ATG10: variants seen among roughly 807,000 people sequenced by gnomAD.
ATG10 encodes ubiquitin-like-conjugating enzyme ATG10.
Under a neutral mutation model 32.1 loss-of-function variants are expected in ATG10, and 30 were observed. The observed-to-expected ratio is 0.94, with a 90% CI of 0.70 to 1.27. ATG10 has a LOEUF of 1.27. ATG10 is among the 50% of genes most tolerant of loss of function. ATG10 has a pLI of 0.00. For synonymous variants in ATG10, 87 were observed against 91.5 expected, an observed-to-expected ratio of 0.95 and a Z score of 0.28; for missense variants, 233 against 262.3, an observed-to-expected ratio of 0.89 and a Z score of 0.77.
chr5:82,242,703 T>C, intron 5 of ATG10: 1 of 337,324 alleles, frequency 3.0e-6, no homozygotes, highest in South Asian at 2.4e-5. Context: ...AAAAAAATCA[T>C]TGTAACCTAG....
chr5:81,980,694 T>G (rs543179225), intron 1 of ATG10, among the ~76,000 whole-genome samples: 2 of 152,156 alleles, frequency 1.3e-5, no homozygotes, highest in South Asian at 4.2e-4. Flanking sequence ...GACTGTACTA[T>G]GCTGAGAGCT....
At position 82,162,676 on chromosome 5, in the gene ATG10, C is replaced by A. The variant is rs563512908; in HGVS notation, c.217-1723C>A. On this transcript the variant is annotated intron_variant, in intron 3 of 7. Coordinates refer to ENST00000282185, the MANE Select transcript of ATG10 (RefSeq NM_031482.5). The stretch of plus-strand genomic sequence containing the variant: ...GCAATATGGAAATGTTAAAAAAAAA[C>A]ACAACAGCAACTATGGTGTGGTCAT... 1.2e-3 allele frequency among the ~76,000 whole-genome samples: 181 copies of A among 151,760 alleles called. 2 individuals are homozygous for A. The highest frequency in any genetic ancestry group is 2.3e-3 in the Admixed American group (35 of 15,234).
At chr5:82,247,362 A>G (rs1747079955) in intron 5 of ATG10, among the ~76,000 whole-genome samples, 1 of 151,984 alleles carries the variant, frequency 6.6e-6, no homozygotes, top group Admixed American at 6.6e-5. Context: ...AATACTTTCT[A>G]TTAATATACT....
At chr5:82,099,311 G>A (rs1765179189) in intron 3 of ATG10, among the ~76,000 whole-genome samples, 1 of 152,070 alleles carries the variant, frequency 6.6e-6, no homozygotes, top group South Asian at 2.1e-4. Flanking sequence ...TAAAAGGAAT[G>A]ATAATTTAAT....
At chr5:82,075,482 A>G (rs1473644146) in intron 3 of ATG10, among the ~76,000 whole-genome samples, 1 of 152,212 alleles carries the variant, frequency 6.6e-6, no homozygotes, top group Non-Finnish European at 1.5e-5. Context: ...GTTTTATACT[A>G]TATTGTATGT....
rs544386504 is a variant in ATG10 at position 82,141,912 on chromosome 5, A to G, written c.217-22487A>G. The stretch of plus-strand genomic sequence containing the variant: ...CCCTCATATCATCTTCTCAACATGT[A>G]TATAGCACTGGTTCTACTTTTTTGC... On this transcript the variant is annotated intron_variant, in intron 3 of 7. Transcript: ENST00000282185. 3.9e-5 allele frequency among the ~76,000 whole-genome samples: 6 copies of G among 152,314 alleles called. No homozygotes were observed. The South Asian group carries it at 8.3e-4, about 21-fold the overall frequency.
chr5:82,010,877 C>T (rs1353789764), intron 2 of ATG10, among the ~76,000 whole-genome samples: 1 of 152,140 alleles, frequency 6.6e-6, no homozygotes, highest in Non-Finnish European at 1.5e-5. Flanking sequence ...TTTTTATGCA[C>T]ACAGTGTTCC....
At chr5:82,202,202 C>G (rs1288085151) in intron 5 of ATG10, among the ~76,000 whole-genome samples, 1 of 152,126 alleles carries the variant, frequency 6.6e-6, no homozygotes, top group Non-Finnish European at 1.5e-5. Flanking sequence ...GTTGGCCAGG[C>G]TATGGTATCT....
At chr5:81,988,536 C>G (rs567918851) in intron 2 of ATG10, among the ~76,000 whole-genome samples, 4 of 150,844 alleles carry the variant, frequency 2.7e-5, no homozygotes, top group Admixed American at 6.6e-5. Context: ...TGGGTTCAAG[C>G]GATTCTTGTG....
intron 3 of ATG10, among the ~76,000 whole-genome samples, chr5:82,075,393 G>C (rs1480239499): frequency 6.6e-6 from 1 of 152,132 alleles, no homozygotes; most frequent in African/African-American, 2.4e-5. Context: ...GTGAAATCAT[G>C]GGGTTAAAAT....
At chr5:82,066,900 A>G (rs1468363754) in intron 3 of ATG10, among the ~76,000 whole-genome samples, 5 of 152,200 alleles carry the variant, frequency 3.3e-5, no homozygotes, top group African/African-American at 1.2e-4. Flanking sequence ...ACTGAACTAT[A>G]GATGTATTGA....
intron 3 of ATG10, among the ~76,000 whole-genome samples, chr5:82,088,590 C>G (rs1389860099): frequency 6.6e-6 from 1 of 152,192 alleles, no homozygotes; most frequent in Non-Finnish European, 1.5e-5. Context: ...GTAGGTGAGT[C>G]TCTTACCTCA....
At chr5:81,983,552 G>A (rs1294794477) in intron 1 of ATG10, among the ~76,000 whole-genome samples, 1 of 147,932 alleles carries the variant, frequency 6.8e-6, no homozygotes, top group African/African-American at 2.5e-5. Context: ...CCGCTGGCCG[G>A]GCAGAGGGGC....
intron 3 of ATG10, among the ~76,000 whole-genome samples, chr5:82,154,599 T>C (rs1347672253): frequency 3.3e-5 from 5 of 152,212 alleles, no homozygotes; most frequent in Admixed American, 3.3e-4. Flanking sequence ...TTTTTTATTT[T>C]TGCCTATATT....
chr5:81,979,444 C>T (rs897419878), intron 1 of ATG10, among the ~76,000 whole-genome samples: 1 of 152,054 alleles, frequency 6.6e-6, no homozygotes, highest in African/African-American at 2.4e-5. Context: ...AGGAGAATGG[C>T]GTGAACTCGG....
At position 82,162,658 on chromosome 5, in the gene ATG10, G is replaced by A. The variant is rs192971724; in HGVS notation, c.217-1741G>A. On this transcript the variant is annotated intron_variant, in intron 3 of 7. Coordinates refer to ENST00000282185, the MANE Select transcript of ATG10 (RefSeq NM_031482.5). Reference sequence around the variant, plus strand: ...ATCAACCTAAAATATCTGGCAATATGGAAATGTTAAAAAAAAACACAACAG... The same window carrying A: ...ATCAACCTAAAATATCTGGCAATATAGAAATGTTAAAAAAAAACACAACAG... 8.9e-3 allele frequency among the ~76,000 whole-genome samples: 1,352 copies of A among 152,100 alleles called. 5 individuals carry two copies. Among genetic ancestry groups the A allele is most frequent in the Non-Finnish European group, 0.014 (954 of 67,982 alleles).
chr5:82,181,269 A>G (rs1744222511), intron 5 of ATG10, among the ~76,000 whole-genome samples: 1 of 152,116 alleles, frequency 6.6e-6, no homozygotes, highest in African/African-American at 2.4e-5. Flanking sequence ...CAGATATCCT[A>G]CTTCTAATAA....
chr5:82,098,941 G>C (rs1696895591), intron 3 of ATG10, among the ~76,000 whole-genome samples: 1 of 152,100 alleles, frequency 6.6e-6, no homozygotes, highest in Admixed American at 6.6e-5. Context: ...CAATAAAATG[G>C]CATTACATCT....
chr5:82,158,645 TG>T (rs903790328), intron 3 of ATG10, among the ~76,000 whole-genome samples: 5 of 152,038 alleles, frequency 3.3e-5, no homozygotes, highest in African/African-American at 4.8e-5. Flanking sequence ...ATCCTCAGGG[TG>T]GGGGGGTTCT....
Sources: allele counts gnomAD v4.1 joint callset (sites outside exome capture counted in the v4.1 genomes callset), GRCh38; gene constraint gnomAD v4.1.1; transcripts MANE v1.5; gene names NCBI Gene and HGNC (gene_info 2026-07-23, HGNC 2026-07-21).